FNDC3B: variants seen among roughly 807,000 people sequenced by gnomAD.
FNDC3B encodes fibronectin type III domain containing 3B.
In FNDC3B, 12 loss-of-function variants were observed where a neutral mutation model predicts 151.5. The observed-to-expected ratio is 0.08, with a 90% confidence interval of 0.05 to 0.13. The LOEUF is 0.13. FNDC3B is among the 10% of genes least tolerant of loss of function. FNDC3B has a pLI of 1.00. For missense variants in FNDC3B, 1,214 were observed against 1,505.3 expected (o/e 0.81, Z 3.20); for synonymous variants, 528 against 549.0 (o/e 0.96, Z 0.54).
At chr3:172,066,403 G>A (rs985465693) in intron 1 of FNDC3B, among the ~76,000 whole-genome samples, 1 of 152,204 alleles carries the variant, frequency 6.6e-6, no homozygotes, top group African/African-American at 2.4e-5. Context: ...AGAAAACTGA[G>A]ACTTTGGGAG....
At chr3:172,180,886 C>T (rs1462174995) in intron 3 of FNDC3B, among the ~76,000 whole-genome samples, 2 of 152,044 alleles carry the variant, frequency 1.3e-5, no homozygotes, top group African/African-American at 4.8e-5. Flanking sequence ...TTTCAGTCTC[C>T]TCAGAAGCGG....
chr3:172,252,812 G>T (rs1333021405), intron 6 of FNDC3B, among the ~76,000 whole-genome samples: 3 of 152,090 alleles, frequency 2.0e-5, no homozygotes, highest in African/African-American at 7.2e-5. Context: ...CAATTATCAC[G>T]TTATTCTTAT....
rs192956490 is a variant in FNDC3B at position 172,210,883 on chromosome 3, T to C, written c.188-15988T>C. 3.5e-3 allele frequency among the ~76,000 whole-genome samples: 538 copies of C among 152,180 alleles called. 3 individuals carry two copies. The highest frequency in any genetic ancestry group is 0.012 in the African/African-American group (511 of 41,428). ...ACTTGGATGTGTTACTCGGATGTGT[T>C]ACCCATACATAGAATCATTAAATCA... On this transcript the variant is annotated intron_variant, in intron 3 of 25. Transcript: ENST00000415807.
At chr3:172,240,360 G>T (rs1006081082) in intron 4 of FNDC3B, among the ~76,000 whole-genome samples, 2 of 152,124 alleles carry the variant, frequency 1.3e-5, no homozygotes, top group African/African-American at 4.8e-5. Flanking sequence ...TGATGAGTAA[G>T]ATTTTGTTAC....
At chr3:172,380,088 G>A (rs1158098616) in intron 24 of FNDC3B, among the ~76,000 whole-genome samples, 1 of 149,162 alleles carries the variant, frequency 6.7e-6, no homozygotes, top group Non-Finnish European at 1.5e-5. Context: ...TTTTTTTTAA[G>A]GAAAGCATTA....
intron 3 of FNDC3B, among the ~76,000 whole-genome samples, chr3:172,168,798 C>T (rs112764203): frequency 0.034 from 5,102 of 150,262 alleles, 154 homozygotes; most frequent in East Asian, 0.15. Context: ...CTGCAACCTC[C>T]GCTTCCCGGG....
intron 2 of FNDC3B, among the ~76,000 whole-genome samples, chr3:172,113,344 A>G (rs1720072755): frequency 6.6e-6 from 1 of 152,186 alleles, no homozygotes; most frequent in South Asian, 2.1e-4. Context: ...AAAATACCCA[A>G]AATATACTAA....
At chr3:172,378,504 A>C in intron 24 of FNDC3B, 68 bp downstream of exon 24, 1 of 1,374,994 alleles carries the variant, frequency 7.3e-7, no homozygotes, top group Admixed American at 2.6e-5. Context: ...TTATAGAAAG[A>C]AGCTCTTTTC....
chr3:172,206,684 A>AAAAAAAAAAAAAAG (rs1553772985), intron 3 of FNDC3B, among the ~76,000 whole-genome samples: 1 of 139,454 alleles, frequency 7.2e-6, no homozygotes, highest in African/African-American at 2.8e-5. Flanking sequence ...AAAAAAAAAA[A>AAAAAAAAAAAAAAG]AAAGTATATT....
intron 3 of FNDC3B, among the ~76,000 whole-genome samples, chr3:172,213,788 T>C (rs2108717559): frequency 6.6e-6 from 1 of 152,282 alleles, no homozygotes; most frequent in East Asian, 1.9e-4. Flanking sequence ...AATGTATCTG[T>C]TCTTGTTGCT....
intron 25 of FNDC3B, among the ~76,000 whole-genome samples, chr3:172,386,950 A>G (rs1735745544): frequency 6.6e-6 from 1 of 152,038 alleles, no homozygotes; most frequent in African/African-American, 2.4e-5. Context: ...AAACTATTTT[A>G]AAGTCTTGGA....
intron 3 of FNDC3B, among the ~76,000 whole-genome samples, chr3:172,194,714 G>A (rs1014719503): frequency 6.6e-6 from 1 of 152,198 alleles, no homozygotes; most frequent in African/African-American, 2.4e-5. Context: ...AGTCATATAA[G>A]TACTTAATTT....
chr3:172,316,000 CT>C (rs555242809), intron 11 of FNDC3B, among the ~76,000 whole-genome samples: 2,617 of 79,516 alleles, frequency 0.033, 28 homozygotes, highest in African/African-American at 0.069. Context: ...CTTTCTTCTT[CT>C]TTTTTTTTTT....
chr3:172,287,148 CCCCAG>C (rs1315912773), intron 7 of FNDC3B, among the ~76,000 whole-genome samples: 4 of 152,154 alleles, frequency 2.6e-5, no homozygotes, highest in Non-Finnish European at 4.4e-5. Flanking sequence ...GAGGCTCTAC[CCCCAG>C]CTTTGCTGTG....
chr3:172,276,534 T>C (rs1021162760), intron 6 of FNDC3B, among the ~76,000 whole-genome samples: 1 of 152,196 alleles, frequency 6.6e-6, no homozygotes, highest in Non-Finnish European at 1.5e-5. Flanking sequence ...TAATGATACA[T>C]GCTAGAGATC....
chr3:172,360,141 C>G (rs865999404), intron 22 of FNDC3B, among the ~76,000 whole-genome samples: 4 of 152,172 alleles, frequency 2.6e-5, no homozygotes, highest in South Asian at 2.1e-4. Flanking sequence ...TGTACCTTAT[C>G]CCTGCCAGCA....
chr3:172,299,800 A>C (rs1730814481), intron 9 of FNDC3B, among the ~76,000 whole-genome samples: 1 of 152,076 alleles, frequency 6.6e-6, no homozygotes, highest in Non-Finnish European at 1.5e-5. Flanking sequence ...AATTACCAGG[A>C]GGCTTGAGTG....
intron 1 of FNDC3B, among the ~76,000 whole-genome samples, chr3:172,081,756 TCA>T (rs1718291389): frequency 6.6e-6 from 1 of 152,220 alleles, no homozygotes; most frequent in African/African-American, 2.4e-5. Context: ...TACCTGTTTG[TCA>T]CTCGTCATAC....
At chr3:172,333,029 A>G (rs1363397918) in intron 13 of FNDC3B, 60 bp from the exon 14 acceptor site, 40 of 1,023,786 alleles carry the variant, frequency 3.9e-5, no homozygotes, top group Non-Finnish European at 5.6e-5. Flanking sequence ...CCTGTATTCA[A>G]AGGTATTTAA....
Sources: allele counts gnomAD v4.1 joint callset (sites outside exome capture counted in the v4.1 genomes callset), GRCh38; gene constraint gnomAD v4.1.1; transcripts MANE v1.5; gene names NCBI Gene and HGNC (gene_info 2026-07-23, HGNC 2026-07-21).